The following MTNR1A variants were observed in gnomAD, a reference collection of about 807,000 sequenced individuals.
MTNR1A encodes melatonin receptor 1A, also known as melatonin receptor type 1A.
Under a neutral mutation model 5.5 loss-of-function variants are expected in MTNR1A, and 7 were observed. That is an observed-to-expected ratio of 1.28 (90% CI 0.73 to 2.40). The LOEUF (loss-of-function observed/expected upper bound fraction) is 2.40. MTNR1A is among the 30% of genes most tolerant of loss of function. The pLI is 0.00. For missense variants in MTNR1A, 441 were observed against 464.4 expected (o/e 0.95, Z 0.46); for synonymous variants, 196 against 202.7 (o/e 0.97, Z 0.28).
At chr4:186,544,643 C>T (rs1185795896) in intron 1 of MTNR1A, among the ~76,000 whole-genome samples, 1 of 152,190 alleles carries the variant, frequency 6.6e-6, no homozygotes, top group African/African-American at 2.4e-5. Flanking sequence ...TCTGTTTCTA[C>T]AGCTCTAGCC....
chr4:186,554,895 G>A (rs1030518676), intron 1 of MTNR1A, among the ~76,000 whole-genome samples: 5 of 152,220 alleles, frequency 3.3e-5, no homozygotes, highest in African/African-American at 1.2e-4. Context: ...TGGACCTGAG[G>A]CTTCTCAATC....
chr4:186,533,657 C>A lies in MTNR1A; in HGVS notation c.*32G>T. 6.2e-7 allele frequency: 1 copy of A among 1,612,854 alleles called. No individual in the cohort carries two copies. Among genetic ancestry groups the A allele is most frequent in the Non-Finnish European group, 8.5e-7 (1 of 1,180,014 alleles). On this transcript the variant is annotated 3_prime_UTR_variant, in exon 2 of 2. Coordinates refer to ENST00000307161, the MANE Select transcript of MTNR1A (RefSeq NM_005958.4). ...CTGTCAAGAGCGAGGCCTTGCGCAG[C>A]GTGTCCATCTCACCCGGAACGTGGT...
At chr4:186,537,000 T>G (rs1037568728) in intron 1 of MTNR1A, among the ~76,000 whole-genome samples, 4 of 152,236 alleles carry the variant, frequency 2.6e-5, no homozygotes, top group African/African-American at 9.6e-5. Context: ...TATGGATTTA[T>G]TTTTAAAAGA....
intron 1 of MTNR1A, among the ~76,000 whole-genome samples, chr4:186,548,810 G>GAGATATAT (rs1553981673): frequency 3.7e-5 from 2 of 54,596 alleles, no homozygotes; most frequent in Non-Finnish European, 6.8e-5. Flanking sequence ...AATCTATAAA[G>GAGATATAT]ATATATATAT....
rs372744863 is a variant in MTNR1A at position 186,534,000 on chromosome 4, C to T, written c.742G>A (p.Ala248Thr). 2.2e-5 allele frequency: 36 copies of T among 1,613,992 alleles called. No homozygotes were observed. Among genetic ancestry groups the T allele is most frequent in the Non-Finnish European group, 3.1e-5 (36 of 1,180,022 alleles). ...VTMFVVFVLFAICWAPLNFIG... is the reference protein window; with the variant it reads ...VTMFVVFVLFTICWAPLNFIG... ...AAGTTCAGAGGAGCCCAGCAAATGG[C>T]AAAAAGGACAAAAACCACAAACATG... is the stretch of plus-strand genomic sequence containing the variant. The change falls in exon 2 of 2, where the codon GCC becomes ACC. Residue 248 changes from alanine (A) to threonine (T), a missense_variant. Physicochemically the swap from Ala to Thr is moderately conservative, Grantham distance 58. Transcript: ENST00000307161.
At chr4:186,552,593 A>C (rs541822755) in intron 1 of MTNR1A, among the ~76,000 whole-genome samples, 1 of 152,226 alleles carries the variant, frequency 6.6e-6, no homozygotes, top group Non-Finnish European at 1.5e-5. Flanking sequence ...AAGCCAACAC[A>C]GTATTACGTG....
Position 186,533,857 on chromosome 4 carries a change from G to A in MTNR1A, c.885C>T (p.Tyr295=), listed in dbSNP as rs776286461. The A allele has an allele frequency of 4.2e-5, 67 of 1,613,948 alleles. No homozygotes were observed. In the African/African-American group the frequency reaches 5.9e-4, roughly 14 times the overall value. Residue 295 remains tyrosine, a synonymous_variant, in exon 2 of 2, where the codon TAC becomes TAT. Coordinates refer to ENST00000307161, the MANE Select transcript of MTNR1A (RefSeq NM_005958.4). Reference sequence around the variant, plus strand: ...TCCTGAAATTTTGGTTCAGTAGCCCGTATATAATGGCATTGAGGCAGCTGT... The same window carrying A: ...TCCTGAAATTTTGGTTCAGTAGCCCATATATAATGGCATTGAGGCAGCTGT... ...YFNSCLNAII[Y]GLLNQNFRKE...
chr4:186,553,597 C>T (rs182237547), intron 1 of MTNR1A, among the ~76,000 whole-genome samples: 4 of 152,276 alleles, frequency 2.6e-5, no homozygotes, highest in African/African-American at 7.2e-5. Flanking sequence ...CTGCAACTTC[C>T]GCCTCCCGGG....
chr4:186,549,896 A>G lies in MTNR1A; in HGVS notation c.184+5286T>C, dbSNP rs148635824. Among the ~76,000 whole-genome samples, 52 of 152,320 alleles carry G rather than the reference A, an allele frequency of 3.4e-4. No homozygotes were observed. In the East Asian group the frequency reaches 7.1e-3, roughly 21 times the overall value. ...TCAATAAGCACCAAAACTACTCAGT[A>G]TCAAAGCAAGTGAGCACGCTTTTAA... On this transcript the variant is annotated intron_variant, in intron 1 of 1. Transcript: ENST00000307161.
At chr4:186,548,896 T>C (rs1579255212) in intron 1 of MTNR1A, among the ~76,000 whole-genome samples, 1 of 144,356 alleles carries the variant, frequency 6.9e-6, no homozygotes, top group African/African-American at 2.5e-5. Flanking sequence ...GGTAAAAGAC[T>C]ATATGATACC....
At chr4:186,543,713 T>C (rs6820205) in intron 1 of MTNR1A, among the ~76,000 whole-genome samples, 142,987 of 152,272 alleles carry the variant, frequency 0.94, 67,190 homozygotes, top group African/African-American at 0.97. Context: ...ATAAAGAGAC[T>C]GTATTTTCTT....
At chr4:186,550,829 T>C (rs575673955) in intron 1 of MTNR1A, among the ~76,000 whole-genome samples, 2 of 152,360 alleles carry the variant, frequency 1.3e-5, no homozygotes, top group South Asian at 4.1e-4. Flanking sequence ...CTGAAACTAC[T>C]GTCATAAGAT....
At chr4:186,549,924 C>T (rs1182485323) in intron 1 of MTNR1A, among the ~76,000 whole-genome samples, 1 of 152,122 alleles carries the variant, frequency 6.6e-6, no homozygotes, top group African/African-American at 2.4e-5. Context: ...GCTTTTAAAC[C>T]GTGCACCCTA....
At chr4:186,550,775 G>A (rs545008453) in intron 1 of MTNR1A, among the ~76,000 whole-genome samples, 1 of 152,284 alleles carries the variant, frequency 6.6e-6, no homozygotes, top group African/African-American at 2.4e-5. Flanking sequence ...ATGAATAGCT[G>A]GAGGAACGAA....
chr4:186,549,801 T>G (rs1277564052), intron 1 of MTNR1A, among the ~76,000 whole-genome samples: 4 of 152,152 alleles, frequency 2.6e-5, no homozygotes, highest in African/African-American at 9.7e-5. Flanking sequence ...CTGCAAAAAT[T>G]TACCAACCAT....
In MTNR1A at chr4:186,533,737, CG is replaced by C; in HGVS notation, c.1004del (p.Pro335ArgfsTer4). On this transcript the variant is annotated frameshift_variant, in exon 2 of 2. Transcript: ENST00000307161. LOFTEE classifies it high-confidence loss of function. ...NDVADRVKWK[P>X]SPLMTNNNVV... ...CATTATTGTTGGTCATCAGTGGAGA[CG>C]GTTTCCATTTAACCCTATCGGCCAC... 1 of 1,614,176 alleles carries C rather than the reference CG, an allele frequency of 6.2e-7. No individual in the cohort carries two copies. Among genetic ancestry groups the C allele is most frequent in the Non-Finnish European group, 8.5e-7 (1 of 1,180,028 alleles).
At chr4:186,544,044 C>G (rs1334785815) in intron 1 of MTNR1A, among the ~76,000 whole-genome samples, 1 of 152,110 alleles carries the variant, frequency 6.6e-6, no homozygotes, top group African/African-American at 2.4e-5. Context: ...GAGTCTGGCT[C>G]TGTCACCAGG....
rs372168234 is a variant in MTNR1A at position 186,534,468 on chromosome 4, C to G, written c.274G>C (p.Gly92Arg). 1.3e-5 allele frequency: 21 copies of G among 1,613,992 alleles called. No individual in the cohort carries two copies. The highest frequency in any genetic ancestry group is 8.3e-5 in the Admixed American group (5 of 59,980). ...PLVLMSIFNN[G>R]WNLGYLHCQV... ...CAGTGCAGATAGCCCAGGTTCCACC[C>G]GTTGTTAAATATCGACATCAGCACC... The change falls in exon 2 of 2, where the codon GGG (glycine) becomes CGG (arginine). Residue 92 changes from glycine to arginine, a missense_variant. Gly to Arg is a moderately radical substitution (Grantham distance 125). Coordinates refer to ENST00000307161, the MANE Select transcript of MTNR1A (RefSeq NM_005958.4).
intron 1 of MTNR1A, among the ~76,000 whole-genome samples, chr4:186,554,255 G>A (rs1396260660): frequency 6.6e-6 from 1 of 152,068 alleles, no homozygotes; most frequent in Non-Finnish European, 1.5e-5. Context: ...GGCAGGGCAG[G>A]GGTGAGCCTC....
Sources: allele counts gnomAD v4.1 joint callset (sites outside exome capture counted in the v4.1 genomes callset), GRCh38; gene constraint gnomAD v4.1.1; transcripts MANE v1.5; gene names NCBI Gene and HGNC (gene_info 2026-07-23, HGNC 2026-07-21).